Variants in CCDC181 observed in about 807,000 individuals in gnomAD.
CCDC181 encodes the protein coiled-coil domain-containing protein 181.
A neutral mutation model predicts 58.7 loss-of-function variants in CCDC181; 35 were observed. The ratio of observed to expected loss-of-function variants is 0.60; its 90% CI spans 0.46 to 0.79. CCDC181 has a LOEUF of 0.79. Among genes scored for constraint, CCDC181 ranks in the 30% least tolerant of loss-of-function variants. The pLI is 0.00. For synonymous variants in CCDC181, 183 were observed against 197.5 expected, an observed-to-expected ratio of 0.93 and a Z score of 0.62; for missense variants, 517 against 583.9, an observed-to-expected ratio of 0.89 and a Z score of 1.18.
chr1:169,459,197 A>G (rs1265812838), intron 2 of CCDC181, among the ~76,000 whole-genome samples: 3 of 152,230 alleles, frequency 2.0e-5, no homozygotes, highest in Non-Finnish European at 4.4e-5. Flanking sequence ...TCAAGTAGCA[A>G]AATTTTATTT....
At chr1:169,399,913 G>A (rs765684051) in intron 4 of CCDC181, among the ~76,000 whole-genome samples, 1 of 152,176 alleles carries the variant, frequency 6.6e-6, no homozygotes, top group Non-Finnish European at 1.5e-5. Context: ...TCATGAAACA[G>A]ATAGGAGTCT....
At chr1:169,436,342 G>A (rs1474240180) in intron 2 of CCDC181, among the ~76,000 whole-genome samples, 1 of 152,128 alleles carries the variant, frequency 6.6e-6, no homozygotes, top group Non-Finnish European at 1.5e-5. Context: ...AGTTTTCACG[G>A]TATGTTTGTG....
chr1:169,421,350 C>T lies in CCDC181; in HGVS notation c.1068+13G>A. ...TACTCTACTTTTAATATAATGCCCA[C>T]TTAGGTTCTCACCTCTCTTTTCAGT... On this transcript the variant is annotated intron_variant, in intron 3 of 5. Coordinates refer to ENST00000367806, the MANE Select transcript of CCDC181 (RefSeq NM_001300969.2). 1 of 1,572,604 alleles carries T rather than the reference C, an allele frequency of 6.4e-7. No individual in the cohort carries two copies. Among genetic ancestry groups the T allele is most frequent in the African/African-American group, 1.4e-5 (1 of 73,994 alleles).
chr1:169,430,722 G>A (rs967386564), upstream of CCDC181, among the ~76,000 whole-genome samples: 1 of 152,022 alleles, frequency 6.6e-6, no homozygotes, highest in Non-Finnish European at 1.5e-5. Context: ...CAAAAGCAGA[G>A]ATTTTTATTG....
Position 169,419,077 on chromosome 1 carries a change from C to G in CCDC181, c.1151G>C (p.Arg384Thr), listed in dbSNP as rs776723971. The change falls in exon 4 of 6, where the codon AGA (arginine) becomes ACA (threonine). Residue 384 changes from arginine (R) to threonine (T), a missense_variant. Arg to Thr is a moderately conservative substitution (Grantham distance 71, BLOSUM62 -1). Transcript: ENST00000367806. Reference sequence around the variant, plus strand: ...TCTCCTCATTTCTAAGACCTGCTCTCTTTTCTTTTGCAACCACGCTTTAAA... The same window carrying G: ...TCTCCTCATTTCTAAGACCTGCTCTGTTTTCTTTTGCAACCACGCTTTAAA... ...IVFKAWLQKK[R>T]EQVLEMRRIQ... The G allele has an allele frequency of 1.2e-6, 2 of 1,613,644 alleles. No individual in the cohort carries two copies. The highest frequency in any genetic ancestry group is 1.7e-6 in the Non-Finnish European group (2 of 1,179,952).
chr1:169,408,497 C>T (rs556864586), intron 4 of CCDC181, among the ~76,000 whole-genome samples: 1 of 152,298 alleles, frequency 6.6e-6, no homozygotes, highest in East Asian at 1.9e-4. Context: ...TCCCTGCCTG[C>T]CAGCTCTGAA....
upstream of CCDC181, among the ~76,000 whole-genome samples, chr1:169,430,173 A>G (rs1473700694): frequency 6.6e-6 from 1 of 152,128 alleles, no homozygotes; most frequent in Non-Finnish European, 1.5e-5. Flanking sequence ...TGCCAGTACC[A>G]TGATGTTTTA....
intron 5 of CCDC181, chr1:169,395,996 CT>C (rs1456812439): frequency 6.6e-6 from 1 of 151,308 alleles, no homozygotes; most frequent in Non-Finnish European, 1.5e-5. Flanking sequence ...AGCAAATAAA[CT>C]GTAAGTCATT....
At chr1:169,429,765 T>A (rs1656858158), upstream of CCDC181, among the ~76,000 whole-genome samples, 1 of 152,238 alleles carries the variant, frequency 6.6e-6, no homozygotes, top group Non-Finnish European at 1.5e-5. Context: ...GTCTGTTTAC[T>A]CTGCTGATTA....
intron 4 of CCDC181, among the ~76,000 whole-genome samples, chr1:169,406,617 G>A (rs1655671161): frequency 6.6e-6 from 1 of 152,054 alleles, no homozygotes; most frequent in Non-Finnish European, 1.5e-5. Flanking sequence ...TAGACACAGG[G>A]TGGGGAACAT....
chr1:169,455,087 T>C (rs2101761322), intron 2 of CCDC181, among the ~76,000 whole-genome samples: 1 of 152,110 alleles, frequency 6.6e-6, no homozygotes, highest in Admixed American at 6.5e-5. Context: ...CTATTCATTT[T>C]CCTGTCTATT....
At chr1:169,412,148 A>G (rs186286683) in intron 4 of CCDC181, among the ~76,000 whole-genome samples, 65 of 152,292 alleles carry the variant, frequency 4.3e-4, no homozygotes, top group Non-Finnish European at 7.8e-4. Context: ...TTAGCCCAAA[A>G]TCTCCTTAAG....
chr1:169,441,887 C>G (rs17576927), intron 2 of CCDC181, among the ~76,000 whole-genome samples: 1 of 151,848 alleles, frequency 6.6e-6, no homozygotes, highest in African/African-American at 2.4e-5. Context: ...ATACTAGTTA[C>G]GTGTATAAAT....
chr1:169,422,368 A>T, intron 2 of CCDC181, 55 bp from the exon 3 acceptor site: 1 of 1,281,330 alleles, frequency 7.8e-7, no homozygotes, highest in Non-Finnish European at 1.1e-6. Flanking sequence ...ATAAGTAGAC[A>T]TACAAAATGG....
intron 2 of CCDC181, among the ~76,000 whole-genome samples, chr1:169,435,720 T>G (rs1329314201): frequency 2.0e-5 from 3 of 152,156 alleles, no homozygotes; most frequent in African/African-American, 7.2e-5. Context: ...GGTTCTAGAG[T>G]ATCTTTATTG....
chr1:169,418,355 A>C (rs1656306064), intron 4 of CCDC181, among the ~76,000 whole-genome samples: 1 of 152,198 alleles, frequency 6.6e-6, no homozygotes, highest in Non-Finnish European at 1.5e-5. Context: ...TCCATGATGA[A>C]GTGAAAAAAA....
At position 169,440,188 on chromosome 1, in the gene CCDC181, C is replaced by G. The variant is rs149433258; in HGVS notation, c.-23-15238G>C. On this transcript the variant is annotated intron_variant, in intron 2 of 6. Transcript: ENST00000545005. ...GTCCATATCAGTTGGGTTGGCAGCA[C>G]CCCACCAGTAGAGAGAGTACCAGAG... 1.0e-3 allele frequency among the ~76,000 whole-genome samples: 158 copies of G among 152,302 alleles called. 3 individuals are homozygous for G. In the East Asian group the frequency reaches 0.03, roughly 29 times the overall value.
intron 4 of CCDC181, among the ~76,000 whole-genome samples, chr1:169,405,798 A>T (rs1429413287): frequency 6.6e-6 from 1 of 152,238 alleles, no homozygotes; most frequent in Admixed American, 6.5e-5. Flanking sequence ...GCCAAAATTG[A>T]CAAATGGGAT....
At chr1:169,429,334 C>A (rs942104062), upstream of CCDC181, among the ~76,000 whole-genome samples, 1 of 152,146 alleles carries the variant, frequency 6.6e-6, no homozygotes, top group African/African-American at 2.4e-5. Flanking sequence ...GGGATTGCTG[C>A]ATCAAATGGT....
Sources: gnomAD v4.1 joint callset for allele counts (sites outside exome capture counted in the v4.1 genomes callset) on GRCh38, gnomAD v4.1.1 for gene constraint, MANE v1.5 for transcripts, NCBI Gene and HGNC (gene_info 2026-07-23, HGNC 2026-07-21) for gene names.